Variants in CHD1 observed in about 807,000 individuals in gnomAD.
CHD1 encodes the protein ATP-dependent chromatin remodeler CHD1.
CHD1 carries 36 observed loss-of-function variants against 224.2 expected under a neutral mutation model. That is an observed-to-expected ratio of 0.16 (90% CI 0.12 to 0.21). The LOEUF (loss-of-function observed/expected upper bound fraction) is 0.21, where lower values mean the gene tolerates loss of function less well. Among genes scored for constraint, CHD1 ranks in the 10% least tolerant of loss-of-function variants. CHD1 has a pLI of 1.00. For missense variants in CHD1, 1,378 were observed against 1,994.8 expected (o/e 0.69, Z 5.89); for synonymous variants, 668 against 658.3 (o/e 1.01, Z -0.23).
intron 2 of CHD1, among the ~76,000 whole-genome samples, chr5:98,912,858 T>G (rs1288848066): frequency 6.6e-6 from 1 of 152,224 alleles, no homozygotes; most frequent in Non-Finnish European, 1.5e-5. Context: ...ATACATTTAT[T>G]TACTTCTGTC....
chr5:98,880,341 TGCTATA>T (rs1561502007), intron 22 of CHD1, among the ~76,000 whole-genome samples: 1 of 152,226 alleles, frequency 6.6e-6, no homozygotes, highest in African/African-American at 2.4e-5. Flanking sequence ...TATCTCCCCC[TGCTATA>T]GCTCTTTCCT....
intron 2 of CHD1, among the ~76,000 whole-genome samples, chr5:98,922,150 A>G (rs1023941548): frequency 1.3e-5 from 2 of 152,102 alleles, no homozygotes; most frequent in Non-Finnish European, 2.9e-5. Context: ...ACTCCATCTC[A>G]ATTAAAAAAA....
chr5:98,899,065 AT>A (rs1444811578), intron 8 of CHD1, among the ~76,000 whole-genome samples: 1 of 152,108 alleles, frequency 6.6e-6, no homozygotes, highest in Non-Finnish European at 1.5e-5. Flanking sequence ...CCTGCAGGGG[AT>A]TGGTTGAGGA....
intron 32 of CHD1, chr5:98,860,277 C>G: frequency 1.9e-6 from 1 of 527,726 alleles, no homozygotes; most frequent in South Asian, 1.7e-5. Flanking sequence ...TTAAATTTTA[C>G]TTCTCTTCCA....
chr5:98,878,354 A>G (rs1749917474), intron 23 of CHD1, among the ~76,000 whole-genome samples: 1 of 152,268 alleles, frequency 6.6e-6, no homozygotes, highest in Non-Finnish European at 1.5e-5. Flanking sequence ...GCAAGAAAAG[A>G]AAAAACAAAA....
At chr5:98,868,997 T>A (rs1749116226) in intron 30 of CHD1, 1 of 826,574 alleles carries the variant, frequency 1.2e-6, no homozygotes, top group Non-Finnish European at 1.5e-6. Context: ...CTACATTTTT[T>A]ATTATGATTT....
intron 15 of CHD1, among the ~76,000 whole-genome samples, chr5:98,889,523 G>A (rs764662216): frequency 3.3e-5 from 5 of 152,132 alleles, no homozygotes; most frequent in Non-Finnish European, 5.9e-5. Flanking sequence ...ATGGTCAGCT[G>A]CATTATTTAT....
chr5:98,872,809 G>A (rs998156834), intron 26 of CHD1, among the ~76,000 whole-genome samples: 72 of 152,130 alleles, frequency 4.7e-4, no homozygotes, highest in African/African-American at 1.6e-3. Flanking sequence ...TACTAATACC[G>A]TCAGCCTCTA....
rs747324203 is a variant in CHD1 at position 98,901,251 on chromosome 5, A to G, written c.522T>C (p.Ser174=). Residue 174 remains serine, a synonymous_variant, in exon 6 of 36, where the codon AGT becomes AGC. Transcript: ENST00000614616. ...CATAATCAGATTCTGTTTCATCACA[A>G]CTGCTTTTCTCTCTCTCTTCTTCAG... ...SESEEEREKS[S]CDETESDYEP... 1.9e-5 allele frequency: 30 copies of G among 1,613,830 alleles called. No individual in the cohort carries two copies. Among genetic ancestry groups the G allele is most frequent in the Non-Finnish European group, 2.5e-5 (29 of 1,179,952 alleles).
At chr5:98,904,859 C>T (rs760243069) in intron 3 of CHD1, 38 bp downstream of exon 3, 2 of 1,592,378 alleles carry the variant, frequency 1.3e-6, no homozygotes, top group East Asian at 2.2e-5. Context: ...CAAAGTAATA[C>T]AAGCAATCTA....
At chr5:98,916,762 G>A (rs1237594233) in intron 2 of CHD1, among the ~76,000 whole-genome samples, 1 of 152,052 alleles carries the variant, frequency 6.6e-6, no homozygotes, top group Non-Finnish European at 1.5e-5. Context: ...GTTAAAAAAT[G>A]TGAAATAAAC....
At position 98,904,956 on chromosome 5, in the gene CHD1, A is replaced by G; in HGVS notation, c.196T>C (p.Ser66Pro). The change falls in exon 3 of 36, where the codon TCA (serine) becomes CCA (proline). Residue 66 changes from serine to proline, a missense_variant. Physicochemically the swap from Ser to Pro is moderately conservative, Grantham distance 74. Transcript: ENST00000614616. ...SESGSQSESESDTSRENKVQA... is the reference protein window; with the variant it reads ...SESGSQSESEPDTSRENKVQA... ...ACTTTGTTTTCTCGGGAAGTGTCTG[A>G]CTCAGACTCTGACTGACTGCCTGAT... The G allele has an allele frequency of 6.2e-7, 1 of 1,613,200 alleles. No individual in the cohort carries two copies. Among genetic ancestry groups the G allele is most frequent in the Non-Finnish European group, 8.5e-7 (1 of 1,179,194 alleles).
intron 19 of CHD1, among the ~76,000 whole-genome samples, chr5:98,882,824 A>G (rs184781923): frequency 1.7e-4 from 26 of 152,330 alleles, no homozygotes; most frequent in East Asian, 5.8e-4. Flanking sequence ...TTTTTATTAT[A>G]AAATGAAAAA....
intron 13 of CHD1, among the ~76,000 whole-genome samples, 199 bp downstream of exon 13, chr5:98,894,398 A>G (rs1751217636): frequency 6.6e-6 from 1 of 152,216 alleles, no homozygotes; most frequent in Non-Finnish European, 1.5e-5. Flanking sequence ...TCTGTTACAT[A>G]TTCTTTCTAA....
intron 15 of CHD1, among the ~76,000 whole-genome samples, chr5:98,891,122 G>GGAGT (rs767742960): frequency 4.6e-5 from 7 of 152,160 alleles, no homozygotes; most frequent in Admixed American, 6.5e-5. Flanking sequence ...CACCCAGGCT[G>GGAGT]GAGTGCAGTG....
Position 98,869,878 on chromosome 5 carries a change from C to A in CHD1, c.3983G>T (p.Ser1328Ile), listed in dbSNP as rs747699483. ...AGCTCTTGCTTTTCTCCTCTTTGAA[C>A]TTCCCTAAAAATCATTATTTTAATT... The part of the protein sequence containing the change: ...AKKEALSGAG[S>I]SKRRKARAKK... Residue 1328 changes from serine (S) to isoleucine (I), a missense_variant, in exon 30 of 36, where the codon AGT becomes ATT. Coordinates refer to ENST00000614616, the MANE Select transcript of CHD1 (RefSeq NM_001270.4). The A allele has an allele frequency of 1.3e-6, 2 of 1,594,134 alleles. No homozygotes were observed. Among genetic ancestry groups the A allele is most frequent in the Non-Finnish European group, 1.7e-6 (2 of 1,166,676 alleles).
intron 2 of CHD1, among the ~76,000 whole-genome samples, chr5:98,911,255 G>C (rs1217498556): frequency 6.8e-6 from 1 of 147,518 alleles, no homozygotes; most frequent in Non-Finnish European, 1.5e-5. Context: ...GACCAAATCT[G>C]ATTTGAGCAT....
intron 32 of CHD1, among the ~76,000 whole-genome samples, chr5:98,861,101 T>C (rs1296871945): frequency 2.6e-5 from 4 of 152,202 alleles, no homozygotes; most frequent in African/African-American, 4.8e-5. Context: ...GCACCAGAGC[T>C]GAGGCAAGCG....
rs745400178 is a variant in CHD1 at position 98,898,443 on chromosome 5, G to A, written c.1187-9C>T. ...CTTTTGATTGGAATGAGCTGTGAGA[G>A]AATCAGGCATTTACTTATTTATTTA... On this transcript the variant is annotated splice_polypyrimidine_tract_variant and intron_variant, in intron 9 of 35. Coordinates refer to ENST00000614616, the MANE Select transcript of CHD1 (RefSeq NM_001270.4). 1.1e-5 allele frequency: 17 copies of A among 1,545,052 alleles called. No homozygotes were observed. The highest frequency in any genetic ancestry group is 1.5e-5 in the Non-Finnish European group (17 of 1,153,964).
Sources: allele counts gnomAD v4.1 joint callset (sites outside exome capture counted in the v4.1 genomes callset), GRCh38; gene constraint gnomAD v4.1.1; transcripts MANE v1.5; gene names NCBI Gene and HGNC (gene_info 2026-07-23, HGNC 2026-07-21).